MYT1L: variants seen among roughly 807,000 people sequenced by gnomAD.
MYT1L encodes myelin transcription factor 1 like, also known as myelin transcription factor 1-like protein.
Under a neutral mutation model 126.7 loss-of-function variants are expected in MYT1L, and 12 were observed. The observed-to-expected ratio is 0.09, with a 90% CI of 0.06 to 0.15. MYT1L has a LOEUF of 0.15. Ranked by LOEUF, MYT1L falls within the 10% of genes least tolerant of loss-of-function variation. The pLI is 1.00. For synonymous variants in MYT1L, 541 were observed against 604.2 expected (o/e 0.90, Z 1.53); for missense variants, 979 against 1,585.2 (o/e 0.62, Z 6.49).
intron 4 of MYT1L, among the ~76,000 whole-genome samples, chr2:2,010,873 T>C (rs779371161): frequency 1.6e-4 from 25 of 152,200 alleles, no homozygotes; most frequent in African/African-American, 2.7e-4. Flanking sequence ...ACGCGTCTAC[T>C]GTCAACAGAC....
chr2:1,893,471 C>G (rs557252224), intron 14 of MYT1L, among the ~76,000 whole-genome samples: 2 of 152,240 alleles, frequency 1.3e-5, no homozygotes, highest in East Asian at 3.9e-4. Flanking sequence ...GCTGGGAGAA[C>G]TTGGTGATAG....
At chr2:1,891,913 G>T in intron 15 of MYT1L, 124 bp downstream of exon 15, 5 of 1,418,388 alleles carry the variant, frequency 3.5e-6, no homozygotes, top group Non-Finnish European at 4.6e-6. Flanking sequence ...GGCGAGAATG[G>T]TTTAGGAGAT....
In MYT1L at chr2:2,197,815, G is replaced by A. The variant is rs182110644; in HGVS notation, c.-420-24827C>T. The stretch of plus-strand genomic sequence containing the variant: ...CATATACACACATATATACACACAT[G>A]CACACACACACGCACACAACGAATG... On this transcript the variant is annotated intron_variant, in intron 2 of 24. Coordinates refer to ENST00000647738, the MANE Select transcript of MYT1L (RefSeq NM_001303052.2). 4.7e-4 allele frequency among the ~76,000 whole-genome samples: 62 copies of A among 131,030 alleles called. No homozygotes were observed. In the East Asian group the frequency reaches 0.013, roughly 27 times the overall value. The allele number at this position is 131,030 out of a possible 152,430, so 86.0% of individuals were successfully genotyped here. A position where few individuals can be genotyped will look rare whatever the true frequency, so the allele number is the denominator to read the frequency against.
intron 4 of MYT1L, among the ~76,000 whole-genome samples, chr2:2,018,204 T>G (rs545446810): frequency 1.3e-5 from 2 of 152,362 alleles, no homozygotes; most frequent in South Asian, 4.1e-4. Flanking sequence ...CTTAATAATA[T>G]TCTAGGGCAG....
intron 21 of MYT1L, among the ~76,000 whole-genome samples, chr2:1,838,056 C>T (rs1472173625): frequency 2.6e-5 from 4 of 151,884 alleles, no homozygotes; most frequent in Admixed American, 6.6e-5. Flanking sequence ...GGATTACAGG[C>T]GCGTGCACCA....
intron 3 of MYT1L, among the ~76,000 whole-genome samples, chr2:2,158,543 C>A (rs2087136310): frequency 6.6e-6 from 1 of 152,006 alleles, no homozygotes; most frequent in Non-Finnish European, 1.5e-5. Context: ...TGTCCTGAAT[C>A]AAAATGCAAT....
At chr2:2,265,957 G>A (rs1280582145) in intron 2 of MYT1L, among the ~76,000 whole-genome samples, 2 of 152,136 alleles carry the variant, frequency 1.3e-5, no homozygotes, top group Admixed American at 1.3e-4. Context: ...TGCTAAGCAG[G>A]ACTGGAGGTG....
chr2:1,811,767 G>A lies in MYT1L; in HGVS notation c.3081-2600C>T, dbSNP rs1014032036. ...AACCCCTCGCGTTCCGGAGGGAACA[G>A]GCTCCTCTTCAGTCCTCCCTGATGG... On this transcript the variant is annotated intron_variant, in intron 21 of 24. Transcript: ENST00000647738. This position sits in a 1 kb window ranked among gnomAD's most constrained non-coding sequence, Gnocchi z 4.4. Among the ~76,000 whole-genome samples the A allele has an allele frequency of 3.3e-5, 5 of 152,138 alleles. No homozygotes were observed. The highest frequency in any genetic ancestry group is 1.2e-4 in the African/African-American group (5 of 41,426).
At chr2:1,851,505 G>T in intron 19 of MYT1L, 136 bp downstream of exon 19, 1 of 785,466 alleles carries the variant, frequency 1.3e-6, no homozygotes, top group South Asian at 1.7e-5. Context: ...ACTGCTTTAT[G>T]GCGCTAAGAG....
At chr2:1,901,412 AATGAG>A (rs2050324053) in intron 14 of MYT1L, among the ~76,000 whole-genome samples, 1 of 152,226 alleles carries the variant, frequency 6.6e-6, no homozygotes, top group Non-Finnish European at 1.5e-5. Flanking sequence ...TAGATGAACA[AATGAG>A]ATGACAAGAA....
intron 3 of MYT1L, among the ~76,000 whole-genome samples, chr2:2,096,281 C>A (rs2077460142): frequency 6.6e-6 from 1 of 152,182 alleles, no homozygotes; most frequent in South Asian, 2.1e-4. Flanking sequence ...TCCTGCTGTG[C>A]AAGGGACATG....
At chr2:2,025,284 G>A (rs1451021504) in intron 4 of MYT1L, among the ~76,000 whole-genome samples, 5 of 152,086 alleles carry the variant, frequency 3.3e-5, no homozygotes, top group Admixed American at 2.0e-4. Flanking sequence ...TCAAGCTCCC[G>A]GAGTGAGTCC....
At chr2:2,170,949 G>C (rs565039354) in intron 3 of MYT1L, among the ~76,000 whole-genome samples, 1 of 152,326 alleles carries the variant, frequency 6.6e-6, no homozygotes, top group Admixed American at 6.5e-5. Context: ...GACGTGAAAT[G>C]CAAGCACTGG....
chr2:2,174,797 G>A (rs1215503684), intron 2 of MYT1L, among the ~76,000 whole-genome samples: 1 of 152,042 alleles, frequency 6.6e-6, no homozygotes, highest in Non-Finnish European at 1.5e-5. Context: ...CATTACTGCT[G>A]GGTTAGCAAG....
rs775126278 is a variant in MYT1L, at chr2:1,839,224, G to C, written c.3005C>G (p.Thr1002Arg). 1.9e-6 allele frequency: 3 copies of C among 1,613,526 alleles called. No homozygotes were observed. The highest frequency in any genetic ancestry group is 2.5e-6 in the Non-Finnish European group (3 of 1,179,888). Residue 1002 changes from threonine (T) to arginine (R), a missense_variant, in exon 21 of 25, where the codon ACG becomes AGG. Thr to Arg is a moderately conservative substitution (Grantham distance 71). Transcript: ENST00000647738. The part of the protein sequence containing the change: ...GSQFSWKSVK[T>R]EGMSCPTPGC... ...TGGCGTGGGGCAGGACATGCCTTCCGTCTTGACCGACTTCCAGGAGAACTG... is the reference window on the plus strand; with the variant it reads ...TGGCGTGGGGCAGGACATGCCTTCCCTCTTGACCGACTTCCAGGAGAACTG...
At chr2:1,833,906 A>T (rs924723469) in intron 21 of MYT1L, among the ~76,000 whole-genome samples, 2 of 152,234 alleles carry the variant, frequency 1.3e-5, no homozygotes, top group African/African-American at 4.8e-5. Context: ...ACTCCCCATG[A>T]AGTGAAGTGG....
At chr2:1,980,908 A>G (rs1357454626) in intron 5 of MYT1L, among the ~76,000 whole-genome samples, 1 of 152,204 alleles carries the variant, frequency 6.6e-6, no homozygotes, top group Non-Finnish European at 1.5e-5. Context: ...GATGAGCAAT[A>G]GAAGCTGGCC....
chr2:1,955,829 A>G (rs2058293725), intron 8 of MYT1L, among the ~76,000 whole-genome samples: 2 of 152,160 alleles, frequency 1.3e-5, no homozygotes, highest in African/African-American at 4.8e-5. Context: ...TTCTTATCCT[A>G]TTTATGTACT....
Position 1,839,320 on chromosome 2 carries a change from G to A in MYT1L, c.2909C>T (p.Ala970Val), listed in dbSNP as rs1193920940. ...GCACCCGGAGGCGCTGCGATGGGAC[G>A]CGTACTTCCCAGTGATGTGGCCCTG... ...DGQGHITGKY[A>V]SHRSASGCPL... Residue 970 changes from alanine (A) to valine (V), a missense_variant, in exon 21 of 25, where the codon GCG (alanine) becomes GTG (valine). By Grantham distance (64) the Ala-to-Val change is moderately conservative. Around this residue, in one of 12 missense-constraint regions of MYT1L, gnomAD observed 179 missense variants for 398.6 expected, o/e 0.45. Coordinates refer to ENST00000647738, the MANE Select transcript of MYT1L (RefSeq NM_001303052.2). 5.6e-6 allele frequency: 9 copies of A among 1,613,560 alleles called. No homozygotes were observed. The highest frequency in any genetic ancestry group is 2.2e-5 in the South Asian group (2 of 91,090).
Sources: gnomAD v4.1 joint callset for allele counts (sites outside exome capture counted in the v4.1 genomes callset) on GRCh38, gnomAD v4.1.1 for gene constraint, gnomAD v4.1.1 regional missense constraint, Gnocchi (gnomAD v3.1) non-coding constraint, MANE v1.5 for transcripts, NCBI Gene and HGNC (gene_info 2026-07-23, HGNC 2026-07-21) for gene names.